The following DDB2 variants were observed in gnomAD, a reference collection of about 807,000 sequenced individuals.
DDB2 encodes the protein damage specific DNA binding protein 2.
In DDB2, 27 loss-of-function variants were observed where a neutral mutation model predicts 50.5. That is an observed-to-expected ratio of 0.53 (90% confidence interval 0.39 to 0.74). DDB2 has a LOEUF of 0.74. Among genes scored for constraint, DDB2 ranks in the 30% least tolerant of loss-of-function variants. The pLI, the probability that DDB2 is intolerant of heterozygous loss-of-function variation, is 0.00. For synonymous variants in DDB2, 176 were observed against 205.5 expected (o/e 0.86, Z 1.23); for missense variants, 424 against 545.6 (o/e 0.78, Z 2.22).
In DDB2 at chr11:47,239,163, C is replaced by T. The variant is rs1953798858; in HGVS notation, c.*314C>T. ...AGTGGGTGGTAGCAGAGGGATCAAG[C>T]AGTTATTTGATTTGTGCTCACTTTT... On this transcript the variant is annotated 3_prime_UTR_variant, in exon 10 of 10. Coordinates refer to ENST00000256996, the MANE Select transcript of DDB2 (RefSeq NM_000107.3). 1 of 422,820 alleles carries T rather than the reference C, an allele frequency of 2.4e-6. No homozygotes were observed. Among genetic ancestry groups the T allele is most frequent in the African/African-American group, 2.0e-5 (1 of 50,674 alleles). The allele number at this position is 422,820 out of a possible 1,614,324, so 26.2% of individuals were successfully genotyped here.
intron 3 of DDB2, among the ~76,000 whole-genome samples, chr11:47,228,423 C>G (rs1339975261): frequency 6.6e-6 from 1 of 151,772 alleles, no homozygotes; most frequent in Non-Finnish European, 1.5e-5. Context: ...GGCAGATCAC[C>G]TGAGGTCAGG....
rs1184353841 is a variant in DDB2 at position 47,238,476 on chromosome 11, G to A, written c.1234+293G>A. 2.6e-5 allele frequency among the ~76,000 whole-genome samples: 4 copies of A among 151,944 alleles called. No homozygotes were observed. The East Asian group carries it at 5.8e-4, about 22-fold the overall frequency. ...TGCAGTGGCGTGATCTTGGCTCAAT[G>A]CAAGCTCCGCCTCCTGGGTTCACGC... On this transcript the variant is annotated intron_variant, in intron 9 of 9. Transcript: ENST00000256996.
intron 4 of DDB2, among the ~76,000 whole-genome samples, chr11:47,233,734 A>C (rs1205349846): frequency 6.6e-6 from 1 of 151,884 alleles, no homozygotes; most frequent in African/African-American, 2.4e-5. Context: ...AAAATTACAG[A>C]ATACTCGTCA....
intron 7 of DDB2, among the ~76,000 whole-genome samples, chr11:47,236,279 T>A (rs914105315): frequency 1.3e-5 from 2 of 152,180 alleles, no homozygotes; most frequent in African/African-American, 4.8e-5. Context: ...CTTCTAATAA[T>A]AAAAATAAGT....
At chr11:47,222,161 C>G (rs1953495157) in intron 3 of DDB2, among the ~76,000 whole-genome samples, 1 of 152,170 alleles carries the variant, frequency 6.6e-6, no homozygotes, top group South Asian at 2.1e-4. Flanking sequence ...CCACCCCTCT[C>G]TACCCAATAT....
At chr11:47,226,707 G>C (rs1953562217) in intron 3 of DDB2, among the ~76,000 whole-genome samples, 1 of 147,010 alleles carries the variant, frequency 6.8e-6, no homozygotes, top group Non-Finnish European at 1.5e-5. Flanking sequence ...TATTTTCTTT[G>C]AAGGAATGTC....
chr11:47,230,037 A>G (rs1031968435), intron 3 of DDB2, among the ~76,000 whole-genome samples: 20 of 151,064 alleles, frequency 1.3e-4, no homozygotes, highest in African/African-American at 4.6e-4. Context: ...CCAGTGGGTC[A>G]TGCCTGTAAC....
chr11:47,233,029 C>G, intron 4 of DDB2, 70 bp downstream of exon 4: 1 of 1,556,418 alleles, frequency 6.4e-7, no homozygotes, highest in Non-Finnish European at 8.9e-7. Context: ...GCATCCAGAT[C>G]CCATTTCCTT....
chr11:47,226,548 C>A (rs1297178863), intron 3 of DDB2, among the ~76,000 whole-genome samples: 1 of 152,062 alleles, frequency 6.6e-6, no homozygotes, highest in Non-Finnish European at 1.5e-5. Context: ...GCTGGGATTA[C>A]AAGTGTGAGC....
intron 3 of DDB2, among the ~76,000 whole-genome samples, chr11:47,219,029 C>T (rs1436676793): frequency 6.6e-6 from 1 of 151,906 alleles, no homozygotes; most frequent in Non-Finnish European, 1.5e-5. Context: ...ACTGCAAGCT[C>T]CGCCTCCCGG....
intron 4 of DDB2, chr11:47,233,347 G>A: frequency 3.3e-6 from 1 of 299,174 alleles, no homozygotes; most frequent in South Asian, 3.5e-5. Context: ...CTGGGTGGAA[G>A]CTTATATGGA....
intron 9 of DDB2, among the ~76,000 whole-genome samples, 162 bp downstream of exon 9, chr11:47,238,345 T>G (rs1457722645): frequency 6.6e-6 from 1 of 151,598 alleles, no homozygotes; most frequent in Admixed American, 6.6e-5. Context: ...GGCCCTCCAT[T>G]CCTCTGGCTT....
chr11:47,234,482 C>T lies in DDB2; in HGVS notation c.603-91C>T. The T allele has an allele frequency of 7.3e-6, 7 of 953,544 alleles. No individual in the cohort carries two copies. The Admixed American group carries it at 1.2e-4, about 16-fold the overall frequency. The allele number at this position is 953,544 out of a possible 1,614,324, so 59.1% of individuals were successfully genotyped here. ...TCATTCAACAAATATTTATTGAATG[C>T]CCGCTGTGGGTTAGTCACCGGAGCG... On this transcript the variant is annotated intron_variant, in intron 4 of 9. Transcript: ENST00000256996.
intron 3 of DDB2, among the ~76,000 whole-genome samples, chr11:47,227,672 G>A (rs11039138): frequency 0.26 from 38,994 of 151,842 alleles, 6,454 homozygotes; most frequent in Non-Finnish European, 0.38. Context: ...CAGCTGGCCC[G>A]ATTGATTTTT....
intron 3 of DDB2, chr11:47,220,184 TG>T (rs1461889417): frequency 1.3e-5 from 2 of 152,146 alleles, no homozygotes; most frequent in Non-Finnish European, 2.9e-5. Flanking sequence ...AAGTGTGAGA[TG>T]GGTGTTCAAG....
intron 7 of DDB2, 94 bp from the exon 8 acceptor site, chr11:47,237,743 A>G: frequency 7.4e-7 from 1 of 1,343,860 alleles, no homozygotes; most frequent in Non-Finnish European, 1.1e-6. Context: ...CCCAAAGAAT[A>G]CTTTTGATGT....
rs751136580 is a variant in DDB2, at chr11:47,234,688, T to C, written c.702+16T>C. The C allele has an allele frequency of 2.5e-6, 4 of 1,613,834 alleles. No individual in the cohort carries two copies. The East Asian group carries it at 6.7e-5, about 27-fold the overall frequency. ...CGGCAAAGAGGTGCGTTCTCCGAGG[T>C]CCTGCCTTTCCCTCCCTCACCCCCA... On this transcript the variant is annotated intron_variant, in intron 5 of 9. Coordinates refer to ENST00000256996, the MANE Select transcript of DDB2 (RefSeq NM_000107.3).
rs180861241 is a variant in DDB2, at chr11:47,215,092, A to G, written c.-45A>G. The stretch of plus-strand genomic sequence containing the variant: ...CCAGAGGCCTCTCAATCCTCCCTCC[A>G]TGATCTTCGCATAGAGCACAGTACC... On this transcript the variant is annotated 5_prime_UTR_variant, in exon 1 of 10. An upstream start codon of the reference 5' UTR is lost. Transcript: ENST00000256996. 3.4e-5 allele frequency: 55 copies of G among 1,613,664 alleles called. No individual in the cohort carries two copies. The East Asian group carries it at 6.5e-4, about 19-fold the overall frequency.
At chr11:47,235,556 T>C (rs969851892) in intron 7 of DDB2, 144 bp downstream of exon 7, 53 of 796,904 alleles carry the variant, frequency 6.7e-5, no homozygotes, top group Non-Finnish European at 9.1e-5. Flanking sequence ...CTCTTACCCA[T>C]TGGCTCTCTC....
Sources: allele counts gnomAD v4.1 joint callset (sites outside exome capture counted in the v4.1 genomes callset), GRCh38; gene constraint gnomAD v4.1.1; transcripts MANE v1.5; gene names NCBI Gene and HGNC (gene_info 2026-07-23, HGNC 2026-07-21).